KIAA1217: variants seen among roughly 807,000 people sequenced by gnomAD.
KIAA1217 encodes KIAA1217.
Under a neutral mutation model 163.9 loss-of-function variants are expected in KIAA1217, and 88 were observed. The observed-to-expected ratio is 0.54, with a 90% CI of 0.45 to 0.64. The LOEUF (loss-of-function observed/expected upper bound fraction) is 0.64, where lower values mean the gene tolerates loss of function less well. Among genes scored for constraint, KIAA1217 ranks in the 30% least tolerant of loss-of-function variants. KIAA1217 has a pLI of 0.00. For synonymous variants in KIAA1217, 903 were observed against 923.1 expected (o/e 0.98, Z 0.39); for missense variants, 2,372 against 2,475.0 (o/e 0.96, Z 0.88).
rs1440764381 is a variant in KIAA1217, at chr10:24,322,339, T to C, written c.355-58530T>C. Among the ~76,000 whole-genome samples, 3 of 152,168 alleles carry C rather than the reference T, an allele frequency of 2.0e-5. No homozygotes were observed. The East Asian group carries it at 5.8e-4, about 29-fold the overall frequency. On this transcript the variant is annotated intron_variant, in intron 2 of 20. Coordinates refer to ENST00000376454, the MANE Select transcript of KIAA1217 (RefSeq NM_019590.5). ...TTCCAGTTAGTCAGCAGTAGCGGCC[T>C]GGGCAGCAGCAATTCTGGTCTAAGG... is the stretch of plus-strand genomic sequence containing the variant.
chr10:23,986,014 A>G (rs1164883138), intron 1 of KIAA1217, among the ~76,000 whole-genome samples: 1 of 152,230 alleles, frequency 6.6e-6, no homozygotes, highest in Non-Finnish European at 1.5e-5. Context: ...TTTATAATGC[A>G]TTTCAGAATG....
intron 1 of KIAA1217, among the ~76,000 whole-genome samples, chr10:23,876,886 G>A (rs11013766): frequency 0.21 from 31,310 of 151,870 alleles, 3,433 homozygotes; most frequent in African/African-American, 0.26. Flanking sequence ...GGTGAGTTAC[G>A]AAGAGTTCGG....
chr10:24,064,258 G>T (rs1019236566), intron 2 of KIAA1217, among the ~76,000 whole-genome samples: 1 of 152,238 alleles, frequency 6.6e-6, no homozygotes, highest in East Asian at 1.9e-4. Context: ...TCTCCATTCA[G>T]TATGATATTG....
intron 1 of KIAA1217, among the ~76,000 whole-genome samples, chr10:23,921,052 C>T (rs566031469): frequency 3.7e-4 from 56 of 152,264 alleles, no homozygotes; most frequent in Middle Eastern, 3.4e-3. Flanking sequence ...CATTATACCT[C>T]TTTTTCTTTA....
intron 1 of KIAA1217, among the ~76,000 whole-genome samples, chr10:23,869,124 GTTTTT>G (rs58288361): frequency 0.011 from 339 of 31,720 alleles, 7 homozygotes; most frequent in African/African-American, 0.039. Flanking sequence ...ATGAAATGTA[GTTTTT>G]TTTTTTTTTT....
At chr10:24,296,396 C>T (rs921495989) in intron 2 of KIAA1217, among the ~76,000 whole-genome samples, 2 of 152,210 alleles carry the variant, frequency 1.3e-5, no homozygotes, top group Admixed American at 1.3e-4. Context: ...GAGTGAATCA[C>T]TATGCCCGGC....
chr10:24,295,090 G>A (rs1360366698), intron 2 of KIAA1217, among the ~76,000 whole-genome samples: 1 of 152,146 alleles, frequency 6.6e-6, no homozygotes, highest in Non-Finnish European at 1.5e-5. Flanking sequence ...GGAGAAATAT[G>A]GTCAGTGAGG....
rs1197313508 is a variant in KIAA1217, at chr10:24,084,910, C to CTT, written c.-171+77556_-171+77557dup. On this transcript the variant is annotated intron_variant, in intron 2 of 18. Transcript: ENST00000376462. ...GCAAAGCTATAAATGGCAGAGTTTA[C>CTT]TTTTTTTTTTTTTTTTTTTTTGAGA... Among the ~76,000 whole-genome samples the CTT allele has an allele frequency of 1.8e-3, 221 of 123,764 alleles. 2 individuals carry two copies. The highest frequency in any genetic ancestry group is 3.8e-3 in the African/African-American group (113 of 29,494). 81.2% of individuals were successfully genotyped at this position (123,764 alleles called of 152,430 possible).
intron 11 of KIAA1217, among the ~76,000 whole-genome samples, chr10:24,520,640 AAAAAAAAAAAAAT>A (rs1349636826): frequency 5.5e-5 from 5 of 90,576 alleles, no homozygotes; most frequent in Admixed American, 1.3e-4. Flanking sequence ...AAAAAAAAAA[AAAAAAAAAAAAAT>A]ATATATATAT....
At chr10:23,801,266 G>T (rs755750818) in intron 1 of KIAA1217, among the ~76,000 whole-genome samples, 1 of 152,154 alleles carries the variant, frequency 6.6e-6, no homozygotes, top group Non-Finnish European at 1.5e-5. Flanking sequence ...CTAAGTGGCA[G>T]TTGAACAATG....
chr10:24,015,089 A>G (rs1232881740), intron 2 of KIAA1217, among the ~76,000 whole-genome samples: 1 of 152,156 alleles, frequency 6.6e-6, no homozygotes, highest in Non-Finnish European at 1.5e-5. Context: ...CATTGCTACA[A>G]CCATGCCACT....
intron 2 of KIAA1217, among the ~76,000 whole-genome samples, chr10:24,062,618 T>C (rs2060773361): frequency 6.6e-6 from 1 of 151,854 alleles, no homozygotes; most frequent in Non-Finnish European, 1.5e-5. Context: ...TGTGTCTTTA[T>C]AGCAGCATGA....
chr10:24,017,055 T>A (rs916745279), intron 2 of KIAA1217, among the ~76,000 whole-genome samples: 2 of 151,174 alleles, frequency 1.3e-5, no homozygotes, highest in Non-Finnish European at 2.9e-5. Context: ...TTTTTTTTTT[T>A]TTTGATTTTT....
chr10:24,527,428 A>G (rs1436149542), intron 13 of KIAA1217, among the ~76,000 whole-genome samples: 1 of 148,632 alleles, frequency 6.7e-6, no homozygotes, highest in African/African-American at 2.5e-5. Context: ...TGTCTCACTC[A>G]GGGCAGAAGG....
At chr10:23,780,901 G>A (rs1298053056) in intron 1 of KIAA1217, among the ~76,000 whole-genome samples, 3 of 151,948 alleles carry the variant, frequency 2.0e-5, no homozygotes, top group Non-Finnish European at 2.9e-5. Context: ...GGCTGGTCTC[G>A]AACTCCTGAC....
chr10:24,387,989 T>G (rs12255808), intron 3 of KIAA1217, among the ~76,000 whole-genome samples: 77,978 of 151,942 alleles, frequency 0.51, 22,467 homozygotes, highest in African/African-American at 0.79. Flanking sequence ...CCAAGGTAAT[T>G]TATAGATTCA....
chr10:23,880,499 A>G (rs956481848), intron 1 of KIAA1217, among the ~76,000 whole-genome samples: 2 of 151,928 alleles, frequency 1.3e-5, no homozygotes, highest in African/African-American at 4.8e-5. Context: ...AATGGGTACA[A>G]AAAATATTTA....
intron 1 of KIAA1217, among the ~76,000 whole-genome samples, chr10:23,901,596 T>C (rs1841955997): frequency 6.6e-6 from 1 of 152,078 alleles, no homozygotes; most frequent in Admixed American, 6.6e-5. Context: ...AATTGTACCA[T>C]ATCATTAATC....
intron 1 of KIAA1217, among the ~76,000 whole-genome samples, chr10:23,920,166 GTTTGTT>G (rs146623097): frequency 0.013 from 1,954 of 152,198 alleles, 27 homozygotes; most frequent in Non-Finnish European, 0.021. Context: ...TTGTTTGTTT[GTTTGTT>G]TTTGTTTTTG....
Sources: gnomAD v4.1 joint callset for allele counts (sites outside exome capture counted in the v4.1 genomes callset) on GRCh38, gnomAD v4.1.1 for gene constraint, MANE v1.5 for transcripts, NCBI Gene and HGNC (gene_info 2026-07-23, HGNC 2026-07-21) for gene names.